The following CEP83 variants were observed in gnomAD, a reference collection of about 807,000 sequenced individuals.
CEP83 encodes the protein centrosomal protein 83.
A neutral mutation model predicts 101.9 loss-of-function variants in CEP83; 70 were observed. The observed-to-expected ratio is 0.69, with a 90% CI of 0.57 to 0.84. The LOEUF (loss-of-function observed/expected upper bound fraction) is 0.84, where lower values mean the gene tolerates loss of function less well. Ranked by LOEUF, CEP83 falls within the 40% of genes least tolerant of loss-of-function variation. The pLI is 0.00. For synonymous variants in CEP83, 264 were observed against 267.9 expected (o/e 0.99, Z 0.14); for missense variants, 715 against 787.2 (o/e 0.91, Z 1.10).
intron 6 of CEP83, among the ~76,000 whole-genome samples, chr12:94,384,530 T>C (rs1328031612): frequency 1.3e-5 from 2 of 152,200 alleles, no homozygotes; most frequent in Admixed American, 1.3e-4. Context: ...GGGACAGAAA[T>C]CTTAGATCTT....
chr12:94,378,838 G>C lies in CEP83; in HGVS notation c.754C>G (p.Gln252Glu). 1 of 1,614,038 alleles carries C rather than the reference G, an allele frequency of 6.2e-7. No individual in the cohort carries two copies. The highest frequency in any genetic ancestry group is 8.5e-7 in the Non-Finnish European group (1 of 1,179,962). ...EAQVENAQRI[Q>E]VRQLAEMQAT... The stretch of plus-strand genomic sequence containing the variant: ...TGCATCTCAGCCAACTGCCGCACCT[G>C]TATTCTTTGGGCATTTTCCACCTGA... The change falls in exon 7 of 17, where the codon CAG (glutamine) becomes GAG (glutamate). Residue 252 changes from glutamine to glutamate, a missense_variant. Coordinates refer to ENST00000397809, the MANE Select transcript of CEP83 (RefSeq NM_016122.3).
chr12:94,337,632 T>C (rs2059505787), intron 11 of CEP83, among the ~76,000 whole-genome samples: 1 of 152,068 alleles, frequency 6.6e-6, no homozygotes, highest in Admixed American at 6.6e-5. Context: ...ATATACCTTA[T>C]AACAGACGTA....
At chr12:94,407,336 T>C (rs2063604346) in intron 4 of CEP83, among the ~76,000 whole-genome samples, 1 of 152,144 alleles carries the variant, frequency 6.6e-6, no homozygotes, top group Non-Finnish European at 1.5e-5. Flanking sequence ...GTCAATCAAA[T>C]TGCTTAAAAC....
chr12:94,289,770 C>T, the CEP83 span, among the ~76,000 whole-genome samples: 2 of 152,162 alleles, frequency 1.3e-5, no homozygotes, highest in Admixed American at 6.5e-5. Context: ...TCTTTATAAT[C>T]GTGTTAAAGT....
chr12:94,345,326 T>C (rs563543536), intron 11 of CEP83, among the ~76,000 whole-genome samples: 1 of 152,346 alleles, frequency 6.6e-6, no homozygotes, highest in South Asian at 2.1e-4. Context: ...ACATTCATGG[T>C]TCCTGGCTCG....
the CEP83 span, among the ~76,000 whole-genome samples, chr12:94,288,337 C>T: frequency 2.0e-5 from 3 of 152,178 alleles, no homozygotes; most frequent in Non-Finnish European, 4.4e-5. Context: ...TGGGCTCTGA[C>T]AACTCCAACC....
chr12:94,334,483 A>G (rs546464383), intron 12 of CEP83, among the ~76,000 whole-genome samples: 2 of 152,284 alleles, frequency 1.3e-5, no homozygotes, highest in African/African-American at 2.4e-5. Context: ...GTAAACAATA[A>G]AAGTCCTTAT....
intron 14 of CEP83, among the ~76,000 whole-genome samples, chr12:94,314,575 G>A (rs575768984): frequency 3.9e-5 from 6 of 152,136 alleles, no homozygotes; most frequent in African/African-American, 1.2e-4. Context: ...TTCCACTTAC[G>A]ATTATTGCAT....
At position 94,364,557 on chromosome 12, in the gene CEP83, G is replaced by A. The variant is rs2060928937; in HGVS notation, c.1343+3237C>T. On this transcript the variant is annotated intron_variant, in intron 11 of 16. Transcript: ENST00000397809. Reference sequence around the variant, plus strand: ...AGGCAGGAGGATTGCTTGAGCTCAGGAGTTCAGTGTTACAGTGAGCCATGA... The same window carrying A: ...AGGCAGGAGGATTGCTTGAGCTCAGAAGTTCAGTGTTACAGTGAGCCATGA... 3.3e-5 allele frequency among the ~76,000 whole-genome samples: 5 copies of A among 152,042 alleles called. No individual in the cohort carries two copies. In the South Asian group the frequency reaches 1.0e-3, roughly 32 times the overall value.
At chr12:94,408,869 T>A (rs993438093) in intron 4 of CEP83, among the ~76,000 whole-genome samples, 33 of 152,150 alleles carry the variant, frequency 2.2e-4, no homozygotes, top group African/African-American at 7.7e-4. Context: ...GCCACCATGC[T>A]CAGCCTGAAC....
chr12:94,414,228 C>T (rs753833353), intron 2 of CEP83, among the ~76,000 whole-genome samples: 4 of 152,200 alleles, frequency 2.6e-5, no homozygotes, highest in Non-Finnish European at 5.9e-5. Flanking sequence ...CAAAAGTACA[C>T]ATTTGCCAAG....
the CEP83 span, among the ~76,000 whole-genome samples, chr12:94,300,202 T>C: frequency 2.0e-5 from 3 of 152,088 alleles, no homozygotes; most frequent in Non-Finnish European, 4.4e-5. Context: ...ATGCAAACAG[T>C]AGCACATTAG....
At chr12:94,407,882 G>C (rs1471572604) in intron 4 of CEP83, 1 of 152,584 alleles carries the variant, frequency 6.6e-6, no homozygotes, top group Non-Finnish European at 1.5e-5. Context: ...GCAGTGGCAC[G>C]ATCTTGGCTC....
the CEP83 span, among the ~76,000 whole-genome samples, chr12:94,296,225 A>G: frequency 6.6e-6 from 1 of 152,136 alleles, no homozygotes; most frequent in African/African-American, 2.4e-5. Flanking sequence ...CAGTGGTACA[A>G]TCATGGCTCA....
intron 2 of CEP83, among the ~76,000 whole-genome samples, chr12:94,418,471 C>A (rs1387072073): frequency 6.6e-6 from 1 of 152,132 alleles, no homozygotes; most frequent in Non-Finnish European, 1.5e-5. Context: ...GATACAACTA[C>A]AGAAATTACT....
intron 11 of CEP83, among the ~76,000 whole-genome samples, chr12:94,356,493 C>T (rs1309291354): frequency 2.0e-5 from 3 of 152,148 alleles, no homozygotes; most frequent in African/African-American, 4.8e-5. Context: ...AGCAGCGCCT[C>T]GAGCGATGGC....
chr12:94,424,100 T>A, intron 2 of CEP83: 1 of 1,607,632 alleles, frequency 6.2e-7, no homozygotes, highest in Non-Finnish European at 8.5e-7. Context: ...CACTCTCTGA[T>A]ACGAAGACAC....
chr12:94,451,214 T>C (rs1301063402), intron 1 of CEP83, among the ~76,000 whole-genome samples: 3 of 152,088 alleles, frequency 2.0e-5, no homozygotes, highest in African/African-American at 7.2e-5. Context: ...AAAGAAGACC[T>C]TTGGGAGCTC....
chr12:94,422,712 G>A (rs1026338348), intron 2 of CEP83, among the ~76,000 whole-genome samples: 6 of 152,134 alleles, frequency 3.9e-5, no homozygotes, highest in Non-Finnish European at 8.8e-5. Flanking sequence ...CATACAGTAC[G>A]TACTCTCATG....
Sources: allele counts gnomAD v4.1 joint callset (sites outside exome capture counted in the v4.1 genomes callset), GRCh38; gene constraint gnomAD v4.1.1; transcripts MANE v1.5; gene names NCBI Gene and HGNC (gene_info 2026-07-23, HGNC 2026-07-21).